VPS35L: variants seen among roughly 807,000 people sequenced by gnomAD.
The protein encoded by VPS35L is VPS35 endosomal protein sorting factor like.
In VPS35L, 83 loss-of-function variants were observed where a neutral mutation model predicts 133.0. That is an observed-to-expected ratio of 0.62 (90% confidence interval 0.52 to 0.75). VPS35L has a LOEUF of 0.75. VPS35L is among the 30% of genes least tolerant of loss of function. The probability of loss-of-function intolerance (pLI) is 0.00; values close to 1 mark genes in which losing one functional copy is unlikely to be tolerated. For missense variants in VPS35L, 1,083 were observed against 1,206.8 expected, an observed-to-expected ratio of 0.90 and a Z score of 1.52; for synonymous variants, 423 against 449.9, an observed-to-expected ratio of 0.94 and a Z score of 0.76.
At chr16:19,642,918 C>T (rs1973829816) in intron 22 of VPS35L, among the ~76,000 whole-genome samples, 1 of 152,198 alleles carries the variant, frequency 6.6e-6, no homozygotes, top group African/African-American at 2.4e-5. Context: ...GCTGAATAGT[C>T]ACTGCCTTCT....
rs1401584174 is a variant in VPS35L at position 19,570,833 on chromosome 16, T to TCATA, written c.285+1243_285+1246dup. Among the ~76,000 whole-genome samples the TCATA allele has an allele frequency of 2.4e-3, 184 of 76,112 alleles. 1 individual carries two copies. Among genetic ancestry groups the TCATA allele is most frequent in the Non-Finnish European group, 4.2e-3 (143 of 34,408 alleles). 49.9% of individuals were successfully genotyped at this position (76,112 alleles called of 152,430 possible). A position where few individuals can be genotyped will look rare whatever the true frequency, so the allele number is the denominator to read the frequency against. ...CTCGATCATCATCCTATGCTGTGTT[T>TCATA]CATATATATATATATATATATATAT... On this transcript the variant is annotated intron_variant, in intron 3 of 30. Transcript: ENST00000417362.
At chr16:19,674,955 CTTT>C (rs566657093) in intron 27 of VPS35L, among the ~76,000 whole-genome samples, 4 of 142,826 alleles carry the variant, frequency 2.8e-5, no homozygotes, top group Admixed American at 1.4e-4. Flanking sequence ...TCTTTTCTTT[CTTT>C]TTTTTTTTTT....
chr16:19,597,016 C>G (rs1031024016), intron 8 of VPS35L, among the ~76,000 whole-genome samples: 19 of 150,224 alleles, frequency 1.3e-4, no homozygotes, highest in African/African-American at 4.6e-4. Flanking sequence ...GAGACTCTAT[C>G]TCAGAAAAAC....
intron 14 of VPS35L, among the ~76,000 whole-genome samples, chr16:19,618,975 G>A (rs1254123738): frequency 6.7e-6 from 1 of 149,740 alleles, no homozygotes; most frequent in African/African-American, 2.5e-5. Flanking sequence ...CTGTCTCCCA[G>A]GCTGGAGTGC....
At chr16:19,574,269 G>A (rs1022536055) in intron 4 of VPS35L, among the ~76,000 whole-genome samples, 1 of 152,144 alleles carries the variant, frequency 6.6e-6, no homozygotes. Flanking sequence ...TGTGTTGAGT[G>A]TTGCCTCACA....
intron 29 of VPS35L, among the ~76,000 whole-genome samples, chr16:19,693,805 C>T (rs919204416): frequency 4.0e-5 from 6 of 149,070 alleles, no homozygotes; most frequent in Non-Finnish European, 3.0e-5. Context: ...TTAAATTACC[C>T]GGGCGTGGTG....
intron 26 of VPS35L, among the ~76,000 whole-genome samples, chr16:19,656,278 A>G (rs984879698): frequency 4.0e-4 from 58 of 145,170 alleles, no homozygotes; most frequent in African/African-American, 9.4e-4. Context: ...AAAAAAAAAA[A>G]AAAGAAAGAA....
At chr16:19,598,401 G>C (rs1368494056) in intron 8 of VPS35L, among the ~76,000 whole-genome samples, 1 of 152,136 alleles carries the variant, frequency 6.6e-6, no homozygotes, top group African/African-American at 2.4e-5. Context: ...CTAGGATCAA[G>C]TGTTATTTCT....
At chr16:19,634,417 CAAA>C (rs57823383) in intron 19 of VPS35L, among the ~76,000 whole-genome samples, 4,686 of 104,758 alleles carry the variant, frequency 0.045, 102 homozygotes, top group Middle Eastern at 0.093. Context: ...GACACGGTCT[CAAA>C]AAAAAAAAAA....
intron 12 of VPS35L, among the ~76,000 whole-genome samples, chr16:19,613,924 C>A (rs572628738): frequency 1.8e-4 from 27 of 152,266 alleles, no homozygotes; most frequent in African/African-American, 5.8e-4. Flanking sequence ...ATGAGCAATA[C>A]CCTTGCTGCT....
At chr16:19,694,488 C>CTT (rs969957675) in intron 29 of VPS35L, 2 of 144,774 alleles carry the variant, frequency 1.4e-5, no homozygotes, top group Non-Finnish European at 1.5e-5. Context: ...GATTTCTTTT[C>CTT]TTTTTTTTTT....
chr16:19,682,480 C>A, intron 28 of VPS35L, 90 bp downstream of exon 28: 3 of 1,398,208 alleles, frequency 2.1e-6, no homozygotes, highest in Non-Finnish European at 2.9e-6. Flanking sequence ...ATTTTTTCCT[C>A]CCTTGTATTT....
At chr16:19,606,107 G>C (rs142842159) in intron 9 of VPS35L, among the ~76,000 whole-genome samples, 113 of 152,332 alleles carry the variant, frequency 7.4e-4, no homozygotes, top group Non-Finnish European at 1.3e-3. Flanking sequence ...TTGTCGTATA[G>C]CTTGTAGTCA....
intron 9 of VPS35L, among the ~76,000 whole-genome samples, chr16:19,603,567 C>A (rs929755089): frequency 5.3e-5 from 8 of 152,142 alleles, no homozygotes; most frequent in Non-Finnish European, 1.0e-4. Flanking sequence ...ACCCTCCACG[C>A]CACTGCGTCA....
intron 26 of VPS35L, among the ~76,000 whole-genome samples, chr16:19,668,592 G>A (rs1353611947): frequency 2.5e-5 from 1 of 40,796 alleles, no homozygotes. Flanking sequence ...TTTAAGCTGA[G>A]TGTGTGTGTG....
At chr16:19,678,008 T>A (rs1262204354) in intron 27 of VPS35L, among the ~76,000 whole-genome samples, 1 of 152,170 alleles carries the variant, frequency 6.6e-6, no homozygotes, top group South Asian at 2.1e-4. Context: ...CAGCAGCTGG[T>A]CAGTGACGAG....
intron 1 of VPS35L, among the ~76,000 whole-genome samples, chr16:19,564,037 G>A (rs1242525165): frequency 6.6e-6 from 1 of 152,074 alleles, no homozygotes; most frequent in Non-Finnish European, 1.5e-5. Context: ...TCTGGTGTGT[G>A]GCATAACAAG....
At chr16:19,616,529 T>C (rs1210128968) in intron 13 of VPS35L, among the ~76,000 whole-genome samples, 157 bp from the exon 14 acceptor site, 2 of 151,586 alleles carry the variant, frequency 1.3e-5, no homozygotes, top group African/African-American at 4.9e-5. Flanking sequence ...TCTGTGTTTT[T>C]TTTTGGTTTA....
Position 19,647,861 on chromosome 16 carries a change from T to C in VPS35L, c.2007T>C (p.Pro669=), listed in dbSNP as rs773241834. 6.2e-7 allele frequency: 1 copy of C among 1,613,920 alleles called. No individual in the cohort carries two copies. The highest frequency in any genetic ancestry group is 1.1e-5 in the South Asian group (1 of 91,074). Residue 669 remains proline (P), a synonymous_variant, in exon 24 of 31, where the codon CCT becomes CCC. Transcript: ENST00000417362. The stretch of plus-strand genomic sequence containing the variant: ...GGTCGATGTTTTGCAATCTGGAGCC[T>C]GTTCTTGTGCAGTTGATTCATGTAA... The part of the protein sequence containing the change: ...ESRSMFCNLE[P]VLVQLIHSVN...
Sources: gnomAD v4.1 joint callset for allele counts (sites outside exome capture counted in the v4.1 genomes callset) on GRCh38, gnomAD v4.1.1 for gene constraint, MANE v1.5 for transcripts, NCBI Gene and HGNC (gene_info 2026-07-23, HGNC 2026-07-21) for gene names.